MOV10L1: variants seen among roughly 807,000 people sequenced by gnomAD.
MOV10L1 encodes RNA helicase Mov10l1.
Under a neutral mutation model 143.8 loss-of-function variants are expected in MOV10L1, and 110 were observed. The observed-to-expected ratio is 0.76, with a 90% CI of 0.66 to 0.90. The LOEUF (loss-of-function observed/expected upper bound fraction) is 0.90, where lower values mean the gene tolerates loss of function less well. MOV10L1 is among the 40% of genes least tolerant of loss of function. MOV10L1 has a pLI of 0.00. For synonymous variants in MOV10L1, 593 were observed against 581.1 expected (o/e 1.02, Z -0.29); for missense variants, 1,406 against 1,526.8 (o/e 0.92, Z 1.32).
intron 20 of MOV10L1, among the ~76,000 whole-genome samples, chr22:50,150,225 A>G (rs2063259903): frequency 6.6e-6 from 1 of 152,136 alleles, no homozygotes; most frequent in African/African-American, 2.4e-5. Context: ...TGGACATTTC[A>G]GGGTCCTCCT....
At chr22:50,160,597 CA>C in intron 24 of MOV10L1, 90 bp from the exon 25 acceptor site, 1 of 1,468,130 alleles carries the variant, frequency 6.8e-7, no homozygotes. Flanking sequence ...TGCTATTTAA[CA>C]TTTTTAAATG....
At chr22:50,116,121 C>T (rs1260151341) in intron 8 of MOV10L1, among the ~76,000 whole-genome samples, 1 of 151,862 alleles carries the variant, frequency 6.6e-6, no homozygotes, top group Non-Finnish European at 1.5e-5. Flanking sequence ...CTGATTAAAT[C>T]ACAGCTCATC....
At chr22:50,107,466 C>T (rs796526208) in intron 3 of MOV10L1, among the ~76,000 whole-genome samples, 2 of 152,120 alleles carry the variant, frequency 1.3e-5, no homozygotes, top group African/African-American at 4.8e-5. Flanking sequence ...TCTGGAGACA[C>T]AAACTCAGTA....
At chr22:50,140,751 C>T (rs917882712) in intron 15 of MOV10L1, among the ~76,000 whole-genome samples, 1 of 149,834 alleles carries the variant, frequency 6.7e-6, no homozygotes, top group Non-Finnish European at 1.5e-5. Context: ...GAGACAGAGT[C>T]TTCCTCTGTC....
chr22:50,126,397 C>A, intron 12 of MOV10L1, 125 bp downstream of exon 12: 1 of 572,780 alleles, frequency 1.7e-6, no homozygotes, highest in Non-Finnish European at 3.1e-6. Flanking sequence ...TGGAAAATGT[C>A]AAGATACAGT....
chr22:50,153,359 G>A (rs1358802342), intron 22 of MOV10L1, 141 bp downstream of exon 22: 8 of 1,034,948 alleles, frequency 7.7e-6, no homozygotes, highest in Non-Finnish European at 8.3e-6. Flanking sequence ...AAAAGCCATC[G>A]GGGGCTTGTG....
chr22:50,106,699 CTTT>C (rs71198216), intron 3 of MOV10L1, among the ~76,000 whole-genome samples: 26,006 of 119,840 alleles, frequency 0.22, 2,115 homozygotes, highest in Admixed American at 0.32. Flanking sequence ...AGGACATGGT[CTTT>C]TTTTTTTTTT....
intron 6 of MOV10L1, among the ~76,000 whole-genome samples, chr22:50,114,003 C>T (rs151162572): frequency 0.016 from 2,457 of 150,320 alleles, 66 homozygotes; most frequent in African/African-American, 0.057. Context: ...ACTGCAAGCT[C>T]CGCCTCCCGG....
chr22:50,103,403 C>T (rs145746364), intron 3 of MOV10L1, among the ~76,000 whole-genome samples: 18 of 152,314 alleles, frequency 1.2e-4, no homozygotes, highest in African/African-American at 4.3e-4. Context: ...TTGAATTGGA[C>T]ATTTAGCTGA....
intron 3 of MOV10L1, among the ~76,000 whole-genome samples, chr22:50,100,522 T>G (rs2061718123): frequency 6.6e-6 from 1 of 152,096 alleles, no homozygotes; most frequent in South Asian, 2.1e-4. Flanking sequence ...TTTCTTTCTT[T>G]CTTTTTTTTG....
chr22:50,105,652 A>G (rs1303763767), intron 3 of MOV10L1, among the ~76,000 whole-genome samples: 1 of 152,218 alleles, frequency 6.6e-6, no homozygotes, highest in Non-Finnish European at 1.5e-5. Flanking sequence ...AAAAAAGTAA[A>G]ACCAAAATTT....
intron 8 of MOV10L1, among the ~76,000 whole-genome samples, chr22:50,116,786 G>T (rs1458963420): frequency 6.7e-6 from 1 of 150,232 alleles, no homozygotes; most frequent in Non-Finnish European, 1.5e-5. Context: ...CTCCCGAGTA[G>T]CTGGAACCAC....
intron 26 of MOV10L1, 114 bp downstream of exon 26, chr22:50,161,169 C>T: frequency 8.4e-7 from 1 of 1,194,978 alleles, no homozygotes; most frequent in Non-Finnish European, 1.2e-6. Flanking sequence ...CCTTAGCCCT[C>T]TGCCGGCCAC....
chr22:50,103,716 A>G (rs1301719952), intron 3 of MOV10L1, among the ~76,000 whole-genome samples: 1 of 152,128 alleles, frequency 6.6e-6, no homozygotes, highest in African/African-American at 2.4e-5. Flanking sequence ...TTCTTATTGT[A>G]GTCCGTGTGG....
At chr22:50,106,737 T>C (rs1462468409) in intron 3 of MOV10L1, among the ~76,000 whole-genome samples, 2 of 149,948 alleles carry the variant, frequency 1.3e-5, no homozygotes, top group East Asian at 4.0e-4. Flanking sequence ...AATCTCGCTC[T>C]GTTGCCTAGG....
At chr22:50,115,332 T>G (rs1328724003) in intron 8 of MOV10L1, 86 bp downstream of exon 8, 4 of 1,376,534 alleles carry the variant, frequency 2.9e-6, no homozygotes, top group Non-Finnish European at 3.8e-6. Flanking sequence ...TACTCCTTTG[T>G]GGCGGGTGGA....
At chr22:50,139,346 A>G (rs2062917888) in intron 15 of MOV10L1, among the ~76,000 whole-genome samples, 1 of 152,016 alleles carries the variant, frequency 6.6e-6, no homozygotes, top group Admixed American at 6.6e-5. Flanking sequence ...TTTATGTGAC[A>G]CTAAGAGCAT....
chr22:50,113,575 C>T, intron 5 of MOV10L1, 73 bp from the exon 6 acceptor site: 1 of 1,567,586 alleles, frequency 6.4e-7, no homozygotes, highest in Non-Finnish European at 8.6e-7. Flanking sequence ...GCAGTCTATC[C>T]TCAGGAGCGG....
chr22:50,117,942 T>A (rs2062228016), intron 9 of MOV10L1, among the ~76,000 whole-genome samples: 1 of 152,178 alleles, frequency 6.6e-6, no homozygotes, highest in Non-Finnish European at 1.5e-5. Flanking sequence ...AAGCCCTGAA[T>A]AGCAGGCTTT....
Sources: allele counts gnomAD v4.1 joint callset (sites outside exome capture counted in the v4.1 genomes callset), GRCh38; gene constraint gnomAD v4.1.1; transcripts MANE v1.5; gene names NCBI Gene and HGNC (gene_info 2026-07-23, HGNC 2026-07-21).